Variants in RIMS1 observed in about 807,000 individuals in gnomAD.
RIMS1 encodes regulating synaptic membrane exocytosis 1.
A neutral mutation model predicts 214.1 loss-of-function variants in RIMS1; 83 were observed. The observed-to-expected ratio is 0.39, with a 90% CI of 0.32 to 0.47. The LOEUF (loss-of-function observed/expected upper bound fraction) is 0.47. Ranked by LOEUF, RIMS1 falls within the 20% of genes least tolerant of loss-of-function variation. The pLI is 0.99. For synonymous variants in RIMS1, 793 were observed against 786.8 expected (o/e 1.01, Z -0.13); for missense variants, 2,050 against 2,161.8 (o/e 0.95, Z 1.03).
intron 4 of RIMS1, among the ~76,000 whole-genome samples, chr6:72,107,697 A>T (rs1045161982): frequency 6.6e-6 from 1 of 152,206 alleles, no homozygotes; most frequent in African/African-American, 2.4e-5. Context: ...GGGCCAGTTA[A>T]GGGGTTATGA....
At chr6:71,960,498 T>G (rs1792617046) in intron 1 of RIMS1, among the ~76,000 whole-genome samples, 1 of 152,176 alleles carries the variant, frequency 6.6e-6, no homozygotes, top group Non-Finnish European at 1.5e-5. Flanking sequence ...TGACTGGGAC[T>G]TTTGTTTATA....
chr6:72,389,120 G>A (rs2098661462), intron 29 of RIMS1, among the ~76,000 whole-genome samples: 2 of 152,140 alleles, frequency 1.3e-5, no homozygotes, highest in Admixed American at 1.3e-4. Context: ...AAATCTCAAA[G>A]AGGAAAAATC....
At chr6:72,247,988 A>G (rs758026860) in intron 11 of RIMS1, 27 bp from the exon 12 acceptor site, 13 of 1,417,068 alleles carry the variant, frequency 9.2e-6, no homozygotes, top group Non-Finnish European at 1.2e-5. Flanking sequence ...ACTTACAAAT[A>G]TTACTTACTT....
intron 29 of RIMS1, among the ~76,000 whole-genome samples, chr6:72,351,537 A>C (rs2097446834): frequency 6.6e-6 from 1 of 152,180 alleles, no homozygotes; most frequent in Non-Finnish European, 1.5e-5. Flanking sequence ...ACTGTGACAC[A>C]GGACCCTGAC....
chr6:71,922,909 TAAATA>T (rs1304823657), intron 1 of RIMS1, among the ~76,000 whole-genome samples: 3 of 152,108 alleles, frequency 2.0e-5, no homozygotes, highest in Admixed American at 2.0e-4. Context: ...CATGGAGGAA[TAAATA>T]AAATAAAATA....
chr6:71,958,248 C>T (rs1371058083), intron 1 of RIMS1, among the ~76,000 whole-genome samples: 1 of 152,084 alleles, frequency 6.6e-6, no homozygotes, highest in Admixed American at 6.6e-5. Context: ...TGATTACATC[C>T]AATCACTATG....
intron 4 of RIMS1, among the ~76,000 whole-genome samples, chr6:72,145,551 G>A (rs1400929215): frequency 6.6e-6 from 1 of 152,112 alleles, no homozygotes. Flanking sequence ...GGCAGAGGTT[G>A]CAGTGAGCCC....
chr6:72,168,802 C>A (rs988528729), intron 4 of RIMS1, among the ~76,000 whole-genome samples: 2 of 141,570 alleles, frequency 1.4e-5, no homozygotes, highest in East Asian at 4.6e-4. Flanking sequence ...TTTAGAGAGA[C>A]AGTTAACAAC....
intron 1 of RIMS1, among the ~76,000 whole-genome samples, chr6:71,955,754 A>G: frequency 6.6e-6 from 1 of 152,212 alleles, no homozygotes; most frequent in East Asian, 1.9e-4. Flanking sequence ...CTTTGGGGAA[A>G]ATTGTTAAGA....
At chr6:72,178,488 C>T (rs993253568) in intron 4 of RIMS1, among the ~76,000 whole-genome samples, 1 of 152,090 alleles carries the variant, frequency 6.6e-6, no homozygotes, top group Non-Finnish European at 1.5e-5. Flanking sequence ...TTTTTGAGTA[C>T]ATGTTGATTG....
chr6:71,953,979 A>G (rs921837834), intron 1 of RIMS1, among the ~76,000 whole-genome samples: 9 of 152,208 alleles, frequency 5.9e-5, no homozygotes, highest in Admixed American at 2.6e-4. Context: ...GGGTTAGAAC[A>G]TAGTGATGGA....
intron 24 of RIMS1, among the ~76,000 whole-genome samples, chr6:72,287,501 A>T (rs967964472): frequency 6.6e-6 from 1 of 152,134 alleles, no homozygotes; most frequent in Non-Finnish European, 1.5e-5. Context: ...GTAGGCATGG[A>T]TTGAACTTAG....
intron 6 of RIMS1, among the ~76,000 whole-genome samples, chr6:72,196,828 A>G (rs1290288275): frequency 1.0e-5 from 1 of 99,062 alleles, no homozygotes; most frequent in East Asian, 3.1e-4. Flanking sequence ...GTGGTGGAGT[A>G]GAGAGCTATT....
At chr6:72,086,381 A>G (rs955898865) in intron 2 of RIMS1, among the ~76,000 whole-genome samples, 2 of 152,172 alleles carry the variant, frequency 1.3e-5, no homozygotes, top group African/African-American at 2.4e-5. Context: ...ACACTTGGTA[A>G]GAGTTCAAGC....
chr6:72,332,541 G>C (rs1212100881), intron 28 of RIMS1, among the ~76,000 whole-genome samples: 3 of 111,058 alleles, frequency 2.7e-5, no homozygotes, highest in Admixed American at 9.9e-5. Flanking sequence ...GTTGTGGGGT[G>C]GGGGGAGGGG....
intron 29 of RIMS1, among the ~76,000 whole-genome samples, chr6:72,364,496 C>T (rs961559097): frequency 6.6e-6 from 1 of 152,172 alleles, no homozygotes; most frequent in African/African-American, 2.4e-5. Context: ...TTATAAAATA[C>T]TAATCAATTG....
intron 2 of RIMS1, among the ~76,000 whole-genome samples, chr6:72,004,251 T>G (rs564887776): frequency 0.014 from 2,065 of 151,954 alleles, 49 homozygotes; most frequent in African/African-American, 0.046. Context: ...TGCCACATTT[T>G]CTTAATCCAG....
At chr6:72,199,676 A>G (rs2051593297) in intron 6 of RIMS1, among the ~76,000 whole-genome samples, 1 of 152,098 alleles carries the variant, frequency 6.6e-6, no homozygotes, top group African/African-American at 2.4e-5. Context: ...AGATTTTAGG[A>G]CAAGAAATAG....
At chr6:71,961,728 GGTTTT>G (rs72219026) in intron 1 of RIMS1, among the ~76,000 whole-genome samples, 57,891 of 150,990 alleles carry the variant, frequency 0.38, 11,443 homozygotes, top group East Asian at 0.52. Flanking sequence ...TCAGTGGATA[GGTTTT>G]GTTTTGTTTT....
Sources: allele counts gnomAD v4.1 joint callset (sites outside exome capture counted in the v4.1 genomes callset), GRCh38; gene constraint gnomAD v4.1.1; transcripts MANE v1.5; gene names NCBI Gene and HGNC (gene_info 2026-07-23, HGNC 2026-07-21).